Variants in PDE8B observed in about 807,000 individuals in gnomAD.
PDE8B encodes the protein phosphodiesterase 8B.
A neutral mutation model predicts 101.3 loss-of-function variants in PDE8B; 26 were observed. The observed-to-expected ratio is 0.26, with a 90% confidence interval of 0.19 to 0.36. PDE8B has a LOEUF of 0.36. PDE8B is among the 10% of genes least tolerant of loss of function. The pLI is 1.00. For synonymous variants in PDE8B, 424 were observed against 429.3 expected, an observed-to-expected ratio of 0.99 and a Z score of 0.15; for missense variants, 810 against 1,163.1, an observed-to-expected ratio of 0.70 and a Z score of 4.42.
chr5:77,165,138 C>T, the PDE8B span, among the ~76,000 whole-genome samples: 1 of 152,166 alleles, frequency 6.6e-6, no homozygotes, highest in Non-Finnish European at 1.5e-5. Context: ...TGCAGTCACA[C>T]ATCATACACA....
At chr5:77,140,044 C>A in the PDE8B span, 1 of 152,100 alleles carries the variant, frequency 6.6e-6, no homozygotes, top group African/African-American at 2.4e-5. Context: ...GATCTGTATG[C>A]CTTGGGTAAT....
chr5:77,314,705 G>C (rs1477925899), intron 2 of PDE8B, among the ~76,000 whole-genome samples: 1 of 151,402 alleles, frequency 6.6e-6, no homozygotes, highest in Non-Finnish European at 1.5e-5. Flanking sequence ...TTCTTCTCTT[G>C]CCGAATTGCC....
intron 10 of PDE8B, among the ~76,000 whole-genome samples, chr5:77,354,061 TACA>T (rs1781645722): frequency 6.6e-6 from 1 of 152,230 alleles, no homozygotes; most frequent in South Asian, 2.1e-4. Flanking sequence ...TTTGAAAACT[TACA>T]ACATGTGGTC....
At chr5:77,365,845 G>C (rs1784022979) in intron 10 of PDE8B, among the ~76,000 whole-genome samples, 1 of 152,182 alleles carries the variant, frequency 6.6e-6, no homozygotes, top group Non-Finnish European at 1.5e-5. Flanking sequence ...ATGAAGCCTG[G>C]TGCACAGGAG....
intron 2 of PDE8B, 35 bp from the exon 3 acceptor site, chr5:77,325,504 A>G: frequency 6.3e-7 from 1 of 1,596,386 alleles, no homozygotes; most frequent in Non-Finnish European, 8.6e-7. Context: ...ATGGATGATG[A>G]TTTATTTCAA....
chr5:77,400,811 G>A (rs770393827), intron 11 of PDE8B, among the ~76,000 whole-genome samples: 1 of 152,172 alleles, frequency 6.6e-6, no homozygotes, highest in Non-Finnish European at 1.5e-5. Context: ...TCCATAAAAA[G>A]AGGAGCTGGA....
the PDE8B span, among the ~76,000 whole-genome samples, chr5:77,122,621 C>T: frequency 1.3e-5 from 2 of 152,180 alleles, no homozygotes; most frequent in Admixed American, 6.5e-5. Flanking sequence ...TTGCTAGACA[C>T]TGGGAACATA....
chr5:77,379,680 G>A (rs751670996), intron 10 of PDE8B, among the ~76,000 whole-genome samples: 2 of 152,276 alleles, frequency 1.3e-5, no homozygotes, highest in African/African-American at 4.8e-5. Flanking sequence ...GTTTTGTTCC[G>A]GTGTTTAGGA....
chr5:77,101,440 T>C, the PDE8B span, among the ~76,000 whole-genome samples: 90 of 152,280 alleles, frequency 5.9e-4, no homozygotes, highest in Admixed American at 2.4e-3. Context: ...ATGATCCAGC[T>C]TGCCTGCTTG....
intron 1 of PDE8B, among the ~76,000 whole-genome samples, chr5:77,287,561 T>G (rs1254292537): frequency 2.0e-5 from 2 of 101,050 alleles, no homozygotes; most frequent in South Asian, 3.0e-4. Flanking sequence ...ACGCGTTCTC[T>G]CTAATCCTAC....
chr5:77,087,682 C>CAA, the PDE8B span: 1 of 152,260 alleles, frequency 6.6e-6, no homozygotes, highest in African/African-American at 2.4e-5. Context: ...ATTACTGTGG[C>CAA]TGCAGGGAGC....
the PDE8B span, among the ~76,000 whole-genome samples, chr5:77,186,522 T>C: frequency 6.6e-6 from 1 of 152,204 alleles, no homozygotes; most frequent in Non-Finnish European, 1.5e-5. Flanking sequence ...CCCGTTGACC[T>C]GCCTGGGAAG....
At position 77,404,770 on chromosome 5, in the gene PDE8B, A is replaced by G. The variant is rs1270351621; in HGVS notation, c.1261A>G (p.Lys421Glu). The G allele has an allele frequency of 1.2e-6, 2 of 1,605,172 alleles. No individual in the cohort carries two copies. ...KNRRKESIDV[K>E]SISSRGSDAP... ...CAGGAGGAAAGAGTCCATTGACGTG[A>G]AATCGATATCATCTCGAGGCAGTGA... is the stretch of plus-strand genomic sequence containing the variant. The change falls in exon 12 of 22, where the codon AAA becomes GAA. Residue 421 changes from lysine to glutamate, a missense_variant. By Grantham distance (56) the Lys-to-Glu change is moderately conservative. Coordinates refer to ENST00000264917, the MANE Select transcript of PDE8B (RefSeq NM_003719.5).
chr5:77,331,207 T>C (rs1360034617), intron 4 of PDE8B, 195 bp from the exon 5 acceptor site: 1 of 689,740 alleles, frequency 1.4e-6, no homozygotes, highest in Non-Finnish European at 2.7e-6. Context: ...CTCTGCTGTT[T>C]TTGTTCTTTT....
intron 1 of PDE8B, among the ~76,000 whole-genome samples, chr5:77,247,611 A>C (rs1486737602): frequency 2.0e-5 from 3 of 152,102 alleles, no homozygotes; most frequent in African/African-American, 7.2e-5. Context: ...GGGGCTCTGC[A>C]CACATCACCC....
At chr5:77,104,564 G>T in the PDE8B span, 5 of 152,120 alleles carry the variant, frequency 3.3e-5, no homozygotes, top group African/African-American at 1.2e-4. Flanking sequence ...CAGCAAAAAG[G>T]TGCCATCTTG....
chr5:77,344,794 C>CA, intron 6 of PDE8B, 59 bp from the exon 7 acceptor site: 6 of 1,076,138 alleles, frequency 5.6e-6, no homozygotes, highest in Non-Finnish European at 7.3e-6. Context: ...GTTAAATTAA[C>CA]AGATGAAATG....
the PDE8B span, chr5:77,139,492 C>T: frequency 6.6e-6 from 1 of 152,196 alleles, no homozygotes; most frequent in Non-Finnish European, 1.5e-5. Flanking sequence ...TCTAGGAATT[C>T]CTGTCTTGTC....
At chr5:77,252,250 G>T (rs192273312) in intron 1 of PDE8B, among the ~76,000 whole-genome samples, 6 of 152,316 alleles carry the variant, frequency 3.9e-5, no homozygotes, top group African/African-American at 1.4e-4. Flanking sequence ...GAATCTGGGT[G>T]GTTCACTACA....
Sources: gnomAD v4.1 joint callset for allele counts (sites outside exome capture counted in the v4.1 genomes callset) on GRCh38, gnomAD v4.1.1 for gene constraint, MANE v1.5 for transcripts, NCBI Gene and HGNC (gene_info 2026-07-23, HGNC 2026-07-21) for gene names.